ST6GAL1: variants seen among roughly 807,000 people sequenced by gnomAD.
ST6GAL1 encodes the protein beta-galactoside alpha-2,6-sialyltransferase 1.
In ST6GAL1, 20 loss-of-function variants were observed where a neutral mutation model predicts 38.0. The ratio of observed to expected loss-of-function variants is 0.53; its 90% CI spans 0.37 to 0.77. The LOEUF is 0.77. Among genes scored for constraint, ST6GAL1 ranks in the 30% least tolerant of loss-of-function variants. The probability of loss-of-function intolerance (pLI) is 0.00; values close to 1 mark genes in which losing one functional copy is unlikely to be tolerated. For missense variants in ST6GAL1, 432 were observed against 496.4 expected, an observed-to-expected ratio of 0.87 and a Z score of 1.23; for synonymous variants, 196 against 188.2, an observed-to-expected ratio of 1.04 and a Z score of -0.34.
chr3:186,997,620 G>A (rs1308093178), intron 2 of ST6GAL1, among the ~76,000 whole-genome samples: 1 of 151,854 alleles, frequency 6.6e-6, no homozygotes, highest in Non-Finnish European at 1.5e-5. Context: ...AGCCAGGTGT[G>A]GTAGCACACA....
At chr3:187,042,578 C>T (rs1169492553) in intron 3 of ST6GAL1, 76 bp from the exon 4 acceptor site, 1 of 1,336,376 alleles carries the variant, frequency 7.5e-7, no homozygotes, top group Non-Finnish European at 1.0e-6. Flanking sequence ...ATCTATTGCT[C>T]AGTCCATCGC....
chr3:187,024,497 G>T (rs201136605), intron 2 of ST6GAL1, among the ~76,000 whole-genome samples: 2,104 of 45,058 alleles, frequency 0.047, 21 homozygotes, highest in African/African-American at 0.091. Context: ...TATATATAGA[G>T]AGAGAGAGAG....
At chr3:187,041,579 T>G (rs1303169607) in intron 3 of ST6GAL1, among the ~76,000 whole-genome samples, 1 of 152,202 alleles carries the variant, frequency 6.6e-6, no homozygotes, top group African/African-American at 2.4e-5. Context: ...TGAAATCTAT[T>G]TTCCAGAGCT....
rs148278433 is a variant in ST6GAL1 at position 187,074,954 on chromosome 3, A to G, written c.980-608A>G. ...TAGGATCAGTAACAGTGCTGTGCAG[A>G]GTTTATTGGAACAATGCTGGCCAGG... On this transcript the variant is annotated intron_variant, in intron 7 of 7. Transcript: ENST00000169298. 3.9e-3 allele frequency among the ~76,000 whole-genome samples: 589 copies of G among 152,308 alleles called. 4 individuals are homozygous for G. Among genetic ancestry groups the G allele is most frequent in the African/African-American group, 0.013 (525 of 41,562 alleles).
intron 2 of ST6GAL1, among the ~76,000 whole-genome samples, chr3:187,028,041 A>T (rs1717607450): frequency 6.6e-6 from 1 of 152,176 alleles, no homozygotes; most frequent in African/African-American, 2.4e-5. Context: ...TGTGACTCTG[A>T]CAAGATCAGG....
chr3:187,032,088 G>T (rs185905903), intron 2 of ST6GAL1, among the ~76,000 whole-genome samples: 22 of 152,330 alleles, frequency 1.4e-4, no homozygotes, highest in African/African-American at 4.6e-4. Context: ...TATCTCATCA[G>T]CAGCAGGGAC....
intron 1 of ST6GAL1, among the ~76,000 whole-genome samples, chr3:186,960,527 G>A (rs1381670310): frequency 2.0e-5 from 3 of 152,126 alleles, no homozygotes; most frequent in Non-Finnish European, 1.5e-5. Context: ...ATTACAGAGC[G>A]TTATGAATTA....
At chr3:186,940,583 C>T (rs1314960096) in intron 1 of ST6GAL1, among the ~76,000 whole-genome samples, 3 of 152,254 alleles carry the variant, frequency 2.0e-5, no homozygotes, top group South Asian at 4.1e-4. Context: ...AAAAATTATG[C>T]GTTTTTTTGT....
chr3:187,068,405 TCTTA>T (rs1388995816), intron 5 of ST6GAL1, among the ~76,000 whole-genome samples: 1 of 151,988 alleles, frequency 6.6e-6, no homozygotes, highest in Non-Finnish European at 1.5e-5. Context: ...ATTCAGACTC[TCTTA>T]CTTACTGACT....
chr3:187,067,735 T>C (rs2108600644), intron 5 of ST6GAL1, among the ~76,000 whole-genome samples: 1 of 152,294 alleles, frequency 6.6e-6, no homozygotes, highest in Non-Finnish European at 1.5e-5. Context: ...TTTATGGGTG[T>C]AGTCCTGCTG....
chr3:186,962,414 G>A (rs2108526549), intron 1 of ST6GAL1, among the ~76,000 whole-genome samples: 1 of 152,308 alleles, frequency 6.6e-6, no homozygotes, highest in Non-Finnish European at 1.5e-5. Flanking sequence ...CTGGGGCTGA[G>A]CTGAGTGTGA....
At chr3:186,991,673 T>C (rs57544252) in intron 2 of ST6GAL1, among the ~76,000 whole-genome samples, 10,924 of 152,100 alleles carry the variant, frequency 0.072, 907 homozygotes, top group African/African-American at 0.19. Flanking sequence ...GTGGGTTCCT[T>C]GGGAGCGTGG....
In ST6GAL1 at chr3:187,075,662, C is replaced by T. The variant is rs114276943; in HGVS notation, c.1080C>T (p.Phe360=). Residue 360 remains phenylalanine, a synonymous_variant, in exon 8 of 8, where the codon TTC becomes TTT. Transcript: ENST00000169298. The surrounding 1 kb of genome is among the most constrained non-coding windows in gnomAD (Gnocchi z 4.1). ...TGTGCTACTACTACCAGAAGTTCTT[C>T]GATAGTGCCTGCACGATGGGTGCCT... is the stretch of plus-strand genomic sequence containing the variant. ...TDVCYYYQKF[F]DSACTMGAYH... 49 of 1,614,178 alleles carry T rather than the reference C, an allele frequency of 3.0e-5. No individual in the cohort carries two copies. The highest frequency in any genetic ancestry group is 2.7e-4 in the African/African-American group (20 of 75,038).
chr3:186,982,426 C>T (rs560530200), intron 2 of ST6GAL1, among the ~76,000 whole-genome samples: 5 of 152,272 alleles, frequency 3.3e-5, no homozygotes, highest in Non-Finnish European at 5.9e-5. Context: ...AGAATCATGG[C>T]AGACAGTTAG....
chr3:186,980,114 G>C (rs537059014), intron 2 of ST6GAL1, among the ~76,000 whole-genome samples: 22 of 152,300 alleles, frequency 1.4e-4, no homozygotes, highest in Admixed American at 4.6e-4. Flanking sequence ...CATGGATCCT[G>C]ATATGTCACA....
chr3:187,041,583 C>T (rs978425598), intron 3 of ST6GAL1, among the ~76,000 whole-genome samples: 3 of 152,104 alleles, frequency 2.0e-5, no homozygotes, highest in African/African-American at 7.2e-5. Flanking sequence ...ATCTATTTTC[C>T]AGAGCTTCTT....
At chr3:187,071,914 C>T (rs1341440092) in intron 5 of ST6GAL1, 1 of 151,996 alleles carries the variant, frequency 6.6e-6, no homozygotes, top group Non-Finnish European at 1.5e-5. Flanking sequence ...GTATCTTTTG[C>T]AAATACTTTT....
At chr3:186,934,434 C>T (rs529020863) in intron 1 of ST6GAL1, among the ~76,000 whole-genome samples, 1 of 145,826 alleles carries the variant, frequency 6.9e-6, no homozygotes, top group South Asian at 2.3e-4. Context: ...TGGTGGCGTA[C>T]TCCTGTGGTC....
At position 186,952,289 on chromosome 3, in the gene ST6GAL1, C is replaced by G. The variant is rs898599921; in HGVS notation, c.-324-11496C>G. Among the ~76,000 whole-genome samples, 6 of 152,146 alleles carry G rather than the reference C, an allele frequency of 3.9e-5. No individual in the cohort carries two copies. Among genetic ancestry groups the G allele is most frequent in the African/African-American group, 1.4e-4 (6 of 41,440 alleles). ...ATCACACCACCAAAACCATACCGGT[C>G]AGGCTCACCAGTATCCTCTCTTGCC... On this transcript the variant is annotated intron_variant, in intron 1 of 7. Transcript: ENST00000169298. This position sits in a 1 kb window ranked among gnomAD's most constrained non-coding sequence, Gnocchi z 4.1.
Sources: allele counts gnomAD v4.1 joint callset (sites outside exome capture counted in the v4.1 genomes callset), GRCh38; gene constraint gnomAD v4.1.1; non-coding constraint Gnocchi (gnomAD v3.1); transcripts MANE v1.5; gene names NCBI Gene and HGNC (gene_info 2026-07-23, HGNC 2026-07-21).